The following CFAP54 variants were observed in gnomAD, a reference collection of about 807,000 sequenced individuals.
CFAP54 encodes cilia and flagella associated protein 54.
CFAP54 carries 290 observed loss-of-function variants against 370.4 expected under a neutral mutation model. The observed-to-expected ratio is 0.78, with a 90% confidence interval of 0.71 to 0.86. CFAP54 has a LOEUF of 0.86. Among genes scored for constraint, CFAP54 ranks in the 40% least tolerant of loss-of-function variants. The pLI is 0.00. For missense variants in CFAP54, 3,399 were observed against 3,528.7 expected, an observed-to-expected ratio of 0.96 and a Z score of 0.93; for synonymous variants, 1,206 against 1,236.5, an observed-to-expected ratio of 0.98 and a Z score of 0.52.
intron 26 of CFAP54, among the ~76,000 whole-genome samples, chr12:96,602,723 T>C (rs1956256773): frequency 6.6e-6 from 1 of 152,216 alleles, no homozygotes; most frequent in South Asian, 2.1e-4. Context: ...GCCTTCTTTG[T>C]CTCTTTTGAT....
At position 96,644,748 on chromosome 12, in the gene CFAP54, G is replaced by A. The variant is rs536279861; in HGVS notation, c.4547+340G>A. Among the ~76,000 whole-genome samples the A allele has an allele frequency of 2.0e-5, 3 of 152,270 alleles. No homozygotes were observed. The South Asian group carries it at 6.2e-4, about 32-fold the overall frequency. On this transcript the variant is annotated intron_variant, in intron 33 of 67. Transcript: ENST00000524981. ...TATGCTCATAAAACGATCAGATCTT[G>A]TGAGACTCATTATCATGAGAACAGC...
chr12:96,676,900 G>C (rs1592703622), intron 39 of CFAP54, among the ~76,000 whole-genome samples: 1 of 152,158 alleles, frequency 6.6e-6, no homozygotes, highest in Non-Finnish European at 1.5e-5. Flanking sequence ...CCAATGAGAA[G>C]GTAACCGTCT....
At chr12:96,564,348 GA>G (rs958035442) in intron 17 of CFAP54, 119 bp from the exon 18 acceptor site, 2 of 493,992 alleles carry the variant, frequency 4.0e-6, no homozygotes, top group East Asian at 3.1e-5. Context: ...ATCTATTAAT[GA>G]AAAAAATGAC....
intron 36 of CFAP54, among the ~76,000 whole-genome samples, chr12:96,656,305 C>T (rs11108620): frequency 1.3e-5 from 2 of 151,950 alleles, no homozygotes; most frequent in Non-Finnish European, 2.9e-5. Flanking sequence ...TTCTCTCCCC[C>T]CCCCTCCCCT....
intron 66 of CFAP54, among the ~76,000 whole-genome samples, chr12:96,843,344 G>A (rs751667549): frequency 9.2e-5 from 14 of 152,136 alleles, no homozygotes; most frequent in Non-Finnish European, 1.9e-4. Context: ...AGGGAACCCA[G>A]TTATAAGGTT....
Position 96,743,703 on chromosome 12 carries a change from A to G in CFAP54, c.7378-28A>G, listed in dbSNP as rs190141275. ...GTTTCAGTGAATTGGAAACAGTACT[A>G]TCAAAATGAATAATTTTATTTTAAT... On this transcript the variant is annotated intron_variant, in intron 53 of 67. Coordinates refer to ENST00000524981, the MANE Select transcript of CFAP54 (RefSeq NM_001306084.2). The G allele has an allele frequency of 5.4e-5, 84 of 1,566,848 alleles. No individual in the cohort carries two copies. The East Asian group carries it at 1.6e-3, about 29-fold the overall frequency.
chr12:96,574,193 T>C (rs923571288), intron 19 of CFAP54, among the ~76,000 whole-genome samples: 3 of 152,196 alleles, frequency 2.0e-5, no homozygotes, highest in Admixed American at 6.5e-5. Flanking sequence ...AGATCCTATC[T>C]CCAGTTTTTT....
intron 33 of CFAP54, chr12:96,647,049 G>T (rs891136983): frequency 6.6e-6 from 1 of 151,850 alleles, no homozygotes; most frequent in African/African-American, 2.4e-5. Flanking sequence ...ACATGTATAC[G>T]TATGTAACAA....
chr12:96,724,029 A>G (rs1232264844), intron 50 of CFAP54, among the ~76,000 whole-genome samples: 1 of 152,078 alleles, frequency 6.6e-6, no homozygotes, highest in Non-Finnish European at 1.5e-5. Flanking sequence ...ATGGCTGCAT[A>G]GTATTCCATG....
intron 50 of CFAP54, among the ~76,000 whole-genome samples, chr12:96,735,455 T>A (rs1957969380): frequency 6.6e-6 from 1 of 152,168 alleles, no homozygotes; most frequent in South Asian, 2.1e-4. Flanking sequence ...AAGGAACTAC[T>A]CCAGCCAACA....
intron 26 of CFAP54, among the ~76,000 whole-genome samples, chr12:96,606,940 A>C (rs1956308012): frequency 6.6e-6 from 1 of 152,202 alleles, no homozygotes; most frequent in South Asian, 2.1e-4. Flanking sequence ...GGACCTTTGC[A>C]GTTTGACCAG....
At chr12:96,798,692 C>G (rs1325175842) in intron 63 of CFAP54, among the ~76,000 whole-genome samples, 1 of 152,126 alleles carries the variant, frequency 6.6e-6, no homozygotes. Flanking sequence ...TTACCCTCAT[C>G]TGTAATTAGA....
chr12:96,586,871 G>T (rs796504808), intron 22 of CFAP54, among the ~76,000 whole-genome samples: 3 of 152,300 alleles, frequency 2.0e-5, no homozygotes, highest in African/African-American at 4.8e-5. Flanking sequence ...GAACGTAAGG[G>T]GGTAGAGTGG....
chr12:96,774,970 A>G (rs1365871417), intron 60 of CFAP54, among the ~76,000 whole-genome samples: 1 of 152,192 alleles, frequency 6.6e-6, no homozygotes, highest in African/African-American at 2.4e-5. Context: ...ATCCATGAAC[A>G]AGGTTGAAGT....
chr12:96,655,008 A>G (rs1956905843), intron 36 of CFAP54, among the ~76,000 whole-genome samples: 1 of 149,696 alleles, frequency 6.7e-6, no homozygotes, highest in Non-Finnish European at 1.5e-5. Context: ...ATTTATAAGC[A>G]AATGCAAAAA....
At chr12:96,669,045 C>A (rs1592699173) in intron 39 of CFAP54, among the ~76,000 whole-genome samples, 2 of 152,106 alleles carry the variant, frequency 1.3e-5, no homozygotes, top group East Asian at 1.9e-4. Context: ...ATAAAAAACC[C>A]AGAGATTATA....
At chr12:96,614,232 C>T (rs541263643) in intron 26 of CFAP54, among the ~76,000 whole-genome samples, 2 of 152,252 alleles carry the variant, frequency 1.3e-5, no homozygotes, top group East Asian at 3.9e-4. Context: ...TAAACATAAT[C>T]CAGCATATAA....
Position 96,598,625 on chromosome 12 carries a change from AT to A in CFAP54, c.3517-18del, listed in dbSNP as rs1474610523. ...AGGATGACATTTTAAAACAAAAATC[AT>A]TGTGATTCTAATTTTTAGATCCTGA... On this transcript the variant is annotated intron_variant, in intron 25 of 67. Coordinates refer to ENST00000524981, the MANE Select transcript of CFAP54 (RefSeq NM_001306084.2). The A allele has an allele frequency of 1.7e-6, 1 of 595,774 alleles. No individual in the cohort carries two copies. The highest frequency in any genetic ancestry group is 2.6e-5 in the Admixed American group (1 of 38,202). 36.9% of individuals were successfully genotyped at this position (595,774 alleles called of 1,614,324 possible). A position where few individuals can be genotyped will look rare whatever the true frequency, so the allele number is the denominator to read the frequency against.
chr12:96,642,591 A>G (rs1053268681), intron 32 of CFAP54, among the ~76,000 whole-genome samples: 1 of 152,086 alleles, frequency 6.6e-6, no homozygotes, highest in African/African-American at 2.4e-5. Context: ...CTCTTTTTCT[A>G]ATTGTAACTC....
Sources: allele counts gnomAD v4.1 joint callset (sites outside exome capture counted in the v4.1 genomes callset), GRCh38; gene constraint gnomAD v4.1.1; transcripts MANE v1.5; gene names NCBI Gene and HGNC (gene_info 2026-07-23, HGNC 2026-07-21).